The following FAM20C variants were observed in gnomAD, a reference collection of about 807,000 sequenced individuals.
The protein encoded by FAM20C is extracellular serine/threonine protein kinase FAM20C.
A neutral mutation model predicts 51.5 loss-of-function variants in FAM20C; 40 were observed. That is an observed-to-expected ratio of 0.78 (90% CI 0.60 to 1.01). FAM20C has a LOEUF of 1.01. Ranked by LOEUF, FAM20C falls within the 50% of genes least tolerant of loss-of-function variation. FAM20C has a pLI of 0.00. For synonymous variants in FAM20C, 406 were observed against 380.6 expected (o/e 1.07, Z -0.78); for missense variants, 861 against 844.7 (o/e 1.02, Z -0.24).
rs28521393 is a variant in FAM20C at position 194,153 on chromosome 7, G to A, written c.605+349G>A. The A allele has an allele frequency of 7.2e-3, 1,848 of 254,908 alleles. 29 individuals carry two copies. Among genetic ancestry groups the A allele is most frequent in the African/African-American group, 0.039 (1,740 of 44,996 alleles). 15.8% of individuals were successfully genotyped at this position (254,908 alleles called of 1,614,324 possible). A position where few individuals can be genotyped will look rare whatever the true frequency, so the allele number is the denominator to read the frequency against. On this transcript the variant is annotated intron_variant, in intron 1 of 9. Transcript: ENST00000313766. Reference sequence around the variant, plus strand: ...TGGTGAGGGAAGGAGCCAGGCTGCCGCTGGGCTTTCAGACACTTGGCGAGG... The same window carrying A: ...TGGTGAGGGAAGGAGCCAGGCTGCCACTGGGCTTTCAGACACTTGGCGAGG...
chr7:249,924 T>C (rs1455780570), intron 5 of FAM20C, among the ~76,000 whole-genome samples: 1 of 152,096 alleles, frequency 6.6e-6, no homozygotes, highest in Non-Finnish European at 1.5e-5. Flanking sequence ...TGTTTCCATC[T>C]TGAAGGTCAA....
chr7:224,261 ATGG>A (rs1294090794), intron 3 of FAM20C, among the ~76,000 whole-genome samples: 2,472 of 59,024 alleles, frequency 0.042, 789 homozygotes, highest in Middle Eastern at 0.073. Flanking sequence ...ACGGGGTCGC[ATGG>A]CGGCTGTCCC....
Position 193,137 on chromosome 7 carries a change from C to T in FAM20C, c.-63C>T. On this transcript the variant is annotated 5_prime_UTR_variant, in exon 1 of 10. Coordinates refer to ENST00000313766, the MANE Select transcript of FAM20C (RefSeq NM_020223.4). Reference sequence around the variant, plus strand: ...CGCGAGGCGGCGCCGCGCTCGTGCCCAGCTGCAGCTAGAGGGGCGCGCGGG... The same window carrying T: ...CGCGAGGCGGCGCCGCGCTCGTGCCTAGCTGCAGCTAGAGGGGCGCGCGGG... 1 of 1,377,464 alleles carries T rather than the reference C, an allele frequency of 7.3e-7. No individual in the cohort carries two copies. The highest frequency in any genetic ancestry group is 1.5e-5 in the African/African-American group (1 of 64,692). 85.3% of individuals were successfully genotyped at this position (1,377,464 alleles called of 1,614,324 possible).
rs890421713 is a variant in FAM20C at position 208,612 on chromosome 7, G to C, written c.785-286G>C. 8.2e-5 allele frequency among the ~76,000 whole-genome samples: 12 copies of C among 146,368 alleles called. 2 individuals carry two copies. The highest frequency in any genetic ancestry group is 8.2e-4 in the Admixed American group (12 of 14,670). ...GTGTGCTGATGTGGGTGGCTTATAC[G>C]TGTGTGTCCAGGTAAGCACACCTGG... On this transcript the variant is annotated intron_variant, in intron 2 of 9. Transcript: ENST00000313766.
At position 206,807 on chromosome 7, in the gene FAM20C, C is replaced by G. The variant is rs71265357; in HGVS notation, c.785-2091C>G. On this transcript the variant is annotated intron_variant, in intron 2 of 9. Coordinates refer to ENST00000313766, the MANE Select transcript of FAM20C (RefSeq NM_020223.4). ...GGCCCCGCACACGTGTCCACTGTGACGCGTCGGTCACTGTCCCCTCGGCCC... is the reference window on the plus strand; with the variant it reads ...GGCCCCGCACACGTGTCCACTGTGAGGCGTCGGTCACTGTCCCCTCGGCCC... Among the ~76,000 whole-genome samples the G allele has an allele frequency of 2.6e-3, 141 of 54,364 alleles. 16 individuals are homozygous for G. Among genetic ancestry groups the G allele is most frequent in the Middle Eastern group, 0.022 (2 of 92 alleles). 35.7% of individuals were successfully genotyped at this position (54,364 alleles called of 152,430 possible).
At chr7:237,663 T>C (rs1364916759) in intron 3 of FAM20C, among the ~76,000 whole-genome samples, 1 of 151,232 alleles carries the variant, frequency 6.6e-6, no homozygotes, top group African/African-American at 2.4e-5. Context: ...GTGATACTGA[T>C]GGTGATAGTG....
In FAM20C at chr7:223,632, G is replaced by A. The variant is rs1053763468; in HGVS notation, c.863+14656G>A. Reference sequence around the variant, plus strand: ...CGTCCCGGCTGCTGCACCGAGCCCCGTGGGGACGGCACCTGGTGCCTGCAG... The same window carrying A: ...CGTCCCGGCTGCTGCACCGAGCCCCATGGGGACGGCACCTGGTGCCTGCAG... On this transcript the variant is annotated intron_variant, in intron 3 of 9. Coordinates refer to ENST00000313766, the MANE Select transcript of FAM20C (RefSeq NM_020223.4). 4.6e-5 allele frequency among the ~76,000 whole-genome samples: 7 copies of A among 152,288 alleles called. No homozygotes were observed. In the South Asian group the frequency reaches 6.2e-4, roughly 14 times the overall value.
intron 1 of FAM20C, chr7:195,266 C>A: frequency 2.9e-6 from 1 of 345,544 alleles, no homozygotes; most frequent in Non-Finnish European, 5.2e-6. Context: ...GATGGCAGGG[C>A]AGCGCTGACG....
intron 2 of FAM20C, 77 bp downstream of exon 2, chr7:195,809 G>C: frequency 7.4e-7 from 1 of 1,357,312 alleles, no homozygotes; most frequent in Non-Finnish European, 9.6e-7. Flanking sequence ...CAGGCTATGT[G>C]TTAGAGAGGT....
Position 193,323 on chromosome 7 carries a change from G to C in FAM20C, c.124G>C (p.Gly42Arg). ...RLERRGARPSGEPGCSCAQPA... is the reference protein window; with the variant it reads ...RLERRGARPSREPGCSCAQPA... The stretch of plus-strand genomic sequence containing the variant: ...GGAGCGACGCGGCGCGCGGCCCTCG[G>C]GGGAGCCCGGCTGTTCGTGCGCGCA... The change falls in exon 1 of 10, where the codon GGG (glycine) becomes CGG (arginine). Residue 42 changes from glycine (G) to arginine (R), a missense_variant. Gly to Arg is a moderately radical substitution (Grantham distance 125). This residue lies in a region of FAM20C where 561 missense variants were observed against 499.8 expected (regional missense o/e 1.12). Coordinates refer to ENST00000313766, the MANE Select transcript of FAM20C (RefSeq NM_020223.4). The C allele has an allele frequency of 7.2e-7, 1 of 1,385,828 alleles. No homozygotes were observed. The highest frequency in any genetic ancestry group is 9.4e-7 in the Non-Finnish European group (1 of 1,061,164). 85.8% of individuals were successfully genotyped at this position (1,385,828 alleles called of 1,614,324 possible). A position where few individuals can be genotyped will look rare whatever the true frequency, so the allele number is the denominator to read the frequency against.
In FAM20C at chr7:207,692, C is replaced by T. The variant is rs542955864; in HGVS notation, c.785-1206C>T. Reference sequence around the variant, plus strand: ...GTGTGACCAGTCCCTGGTGTGGCCCCGTGAGGCCCCCTCACACCAGACAAT... The same window carrying T: ...GTGTGACCAGTCCCTGGTGTGGCCCTGTGAGGCCCCCTCACACCAGACAAT... On this transcript the variant is annotated intron_variant, in intron 2 of 9. Transcript: ENST00000313766. 7.2e-5 allele frequency among the ~76,000 whole-genome samples: 11 copies of T among 152,348 alleles called. No individual in the cohort carries two copies. In the South Asian group the frequency reaches 1.0e-3, roughly 14 times the overall value.
Position 259,943 on chromosome 7 carries a change from A to G in FAM20C, c.1718A>G (p.Asp573Gly), listed in dbSNP as rs547458228. Residue 573 changes from aspartate (D) to glycine (G), a missense_variant, in exon 10 of 10, where the codon GAC becomes GGC. Coordinates refer to ENST00000313766, the MANE Select transcript of FAM20C (RefSeq NM_020223.4). ...GGGCTCCACAGCGTGGTGGATGACGACCTGGACACTGAGCACAGAGCCGCC... is the reference window on the plus strand; with the variant it reads ...GGGCTCCACAGCGTGGTGGATGACGGCCTGGACACTGAGCACAGAGCCGCC... ...RNGLHSVVDD[D>G]LDTEHRAASA... 3 of 1,527,954 alleles carry G rather than the reference A, an allele frequency of 2.0e-6. No individual in the cohort carries two copies. Among genetic ancestry groups the G allele is most frequent in the Non-Finnish European group, 2.6e-6 (3 of 1,140,258 alleles). The allele number at this position is 1,527,954 out of a possible 1,614,324, so 94.6% of individuals were successfully genotyped here. A position where few individuals can be genotyped will look rare whatever the true frequency, so the allele number is the denominator to read the frequency against.
chr7:256,025 G>T lies in FAM20C; in HGVS notation c.1249G>T (p.Ala417Ser). 6.5e-7 allele frequency: 1 copy of T among 1,535,596 alleles called. No homozygotes were observed. The highest frequency in any genetic ancestry group is 8.7e-7 in the Non-Finnish European group (1 of 1,146,624). The change falls in exon 6 of 10, where the codon GCC becomes TCC. Residue 417 changes from alanine to serine, a missense_variant. Coordinates refer to ENST00000313766, the MANE Select transcript of FAM20C (RefSeq NM_020223.4). ...GCGTTCCTACCACAAGCGCAAGAAGGCCGAGTGAGTGCGGGGCCGGGGGGC... is the reference window on the plus strand; with the variant it reads ...GCGTTCCTACCACAAGCGCAAGAAGTCCGAGTGAGTGCGGGGCCGGGGGGC... The part of the protein sequence containing the change: ...WRRSYHKRKK[A>S]EWEVDPDYCE...
intron 3 of FAM20C, among the ~76,000 whole-genome samples, chr7:211,300 A>G (rs1786698314): frequency 9.1e-6 from 1 of 109,478 alleles, no homozygotes. Context: ...CCCCTTAGAC[A>G]TCTCCCAGCC....
chr7:193,192 G>C lies in FAM20C; in HGVS notation c.-8G>C. 6.9e-7 allele frequency: 1 copy of C among 1,452,278 alleles called. No individual in the cohort carries two copies. The highest frequency in any genetic ancestry group is 1.2e-5 in the South Asian group (1 of 81,518). The allele number at this position is 1,452,278 out of a possible 1,614,324, so 90.0% of individuals were successfully genotyped here. On this transcript the variant is annotated 5_prime_UTR_variant, in exon 1 of 10. Coordinates refer to ENST00000313766, the MANE Select transcript of FAM20C (RefSeq NM_020223.4). ...ACGCGCTCCAGGCCCGGGCCGGCCCGCGCGGCCATGAAGATGATGCTGGTG... is the reference window on the plus strand; with the variant it reads ...ACGCGCTCCAGGCCCGGGCCGGCCCCCGCGGCCATGAAGATGATGCTGGTG...
intron 3 of FAM20C, among the ~76,000 whole-genome samples, chr7:219,551 C>G (rs1346902181): frequency 1.3e-5 from 2 of 152,184 alleles, no homozygotes; most frequent in Non-Finnish European, 2.9e-5. Flanking sequence ...CAGGAGGTGC[C>G]TCGGCTGTGG....
In FAM20C at chr7:208,854, G is replaced by A. The variant is rs201766918; in HGVS notation, c.785-44G>A. The A allele has an allele frequency of 8.4e-5, 129 of 1,543,762 alleles. 1 individual carries two copies. In the East Asian group the frequency reaches 1.6e-3, roughly 19 times the overall value. Reference sequence around the variant, plus strand: ...TCGTCCGCACAGGAGAAGAAGGGGCGTGAGGCCAGAGAGTGACCCTGTTTC... The same window carrying A: ...TCGTCCGCACAGGAGAAGAAGGGGCATGAGGCCAGAGAGTGACCCTGTTTC... On this transcript the variant is annotated intron_variant, in intron 2 of 9. Transcript: ENST00000313766.
At chr7:196,804 C>T (rs533241701) in intron 2 of FAM20C, among the ~76,000 whole-genome samples, 225 of 152,298 alleles carry the variant, frequency 1.5e-3, no homozygotes, top group African/African-American at 5.2e-3. Context: ...GTTTGCTGGG[C>T]ACTCACCTGG....
At chr7:259,490 T>TTC (rs373727748) in intron 9 of FAM20C, among the ~76,000 whole-genome samples, 6 of 36,650 alleles carry the variant, frequency 1.6e-4, no homozygotes, top group African/African-American at 4.3e-4. Context: ...CTGTTTCTCT[T>TTC]TATCTGTGTC....
Sources: allele counts gnomAD v4.1 joint callset (sites outside exome capture counted in the v4.1 genomes callset), GRCh38; gene constraint gnomAD v4.1.1; regional missense constraint gnomAD v4.1.1; transcripts MANE v1.5; gene names NCBI Gene and HGNC (gene_info 2026-07-23, HGNC 2026-07-21).